Variants in COL14A1 observed in about 807,000 individuals in gnomAD.
The protein encoded by COL14A1 is collagen alpha-1(XIV) chain.
In COL14A1, 136 loss-of-function variants were observed where a neutral mutation model predicts 230.3. The ratio of observed to expected loss-of-function variants is 0.59; its 90% CI spans 0.51 to 0.68. The LOEUF (loss-of-function observed/expected upper bound fraction) is 0.68. Ranked by LOEUF, COL14A1 falls within the 30% of genes least tolerant of loss-of-function variation. COL14A1 has a pLI of 0.00. For missense variants in COL14A1, 1,976 were observed against 2,215.8 expected (o/e 0.89, Z 2.17); for synonymous variants, 792 against 784.1 (o/e 1.01, Z -0.17).
rs1817085659 is a variant in COL14A1, at chr8:120,197,715, A to C, written c.593-96A>C. ...CAGGCCAAAATAAAAAATTTTTGCAAAGATGAGGCCTTTCGTCATTCCAGT... is the reference window on the plus strand; with the variant it reads ...CAGGCCAAAATAAAAAATTTTTGCACAGATGAGGCCTTTCGTCATTCCAGT... On this transcript the variant is annotated intron_variant, in intron 6 of 47. Coordinates refer to ENST00000297848, the MANE Select transcript of COL14A1 (RefSeq NM_021110.4). 4 of 1,378,076 alleles carry C rather than the reference A, an allele frequency of 2.9e-6. No individual in the cohort carries two copies. In the Admixed American group the frequency reaches 9.2e-5, roughly 32 times the overall value. 85.4% of individuals were successfully genotyped at this position (1,378,076 alleles called of 1,614,324 possible).
Position 120,156,567 on chromosome 8 carries a change from C to G in COL14A1, c.89-1563C>G, listed in dbSNP as rs759713526. On this transcript the variant is annotated intron_variant, in intron 2 of 47. Transcript: ENST00000297848. ...ATCAGTATGTGAACTTGGGCAAGTGCTTTAGTTGCACCTTGGTTCCTTTAT... is the reference window on the plus strand; with the variant it reads ...ATCAGTATGTGAACTTGGGCAAGTGGTTTAGTTGCACCTTGGTTCCTTTAT... 7.9e-5 allele frequency among the ~76,000 whole-genome samples: 12 copies of G among 152,268 alleles called. No homozygotes were observed. In the South Asian group the frequency reaches 1.0e-3, roughly 13 times the overall value.
At chr8:120,214,440 G>A (rs1817692685) in intron 13 of COL14A1, among the ~76,000 whole-genome samples, 1 of 152,146 alleles carries the variant, frequency 6.6e-6, no homozygotes, top group African/African-American at 2.4e-5. Flanking sequence ...AGCTCATGAA[G>A]CTGTCAAAAA....
chr8:120,143,519 T>C (rs1483494985), intron 1 of COL14A1, among the ~76,000 whole-genome samples: 4 of 152,064 alleles, frequency 2.6e-5, no homozygotes, highest in Admixed American at 2.0e-4. Flanking sequence ...TAATCCCAGC[T>C]ACTTGGGAGG....
At chr8:120,344,720 C>G (rs1563394) in intron 44 of COL14A1, among the ~76,000 whole-genome samples, 73 of 152,138 alleles carry the variant, frequency 4.8e-4, no homozygotes, top group Non-Finnish European at 3.5e-4. Flanking sequence ...GGGAAAACTC[C>G]TCTCCTAATG....
intron 36 of COL14A1, among the ~76,000 whole-genome samples, chr8:120,307,611 T>C (rs1820893265): frequency 6.6e-6 from 1 of 152,172 alleles, no homozygotes; most frequent in Admixed American, 6.5e-5. Context: ...GAGTAAAGTA[T>C]ATAAATAGAC....
At position 120,250,767 on chromosome 8, in the gene COL14A1, G is replaced by GT. The variant is rs1367824312; in HGVS notation, c.2752+2dup. On this transcript the variant is annotated splice_donor_variant, in intron 22 of 47. Coordinates refer to ENST00000297848, the MANE Select transcript of COL14A1 (RefSeq NM_021110.4). LOFTEE classifies it high-confidence loss of function. Reference sequence around the variant, plus strand: ...GCCCTGACAGGCATGGTGAAAACATGTAAGAGCCATTTCCGATGGCCTCAG... The same window carrying GT: ...GCCCTGACAGGCATGGTGAAAACATGTTAAGAGCCATTTCCGATGGCCTCAG... 1.2e-6 allele frequency: 2 copies of GT among 1,613,858 alleles called. No homozygotes were observed. The highest frequency in any genetic ancestry group is 1.7e-6 in the Non-Finnish European group (2 of 1,179,954).
intron 5 of COL14A1, among the ~76,000 whole-genome samples, chr8:120,195,211 A>G (rs755813728): frequency 3.9e-5 from 6 of 152,224 alleles, no homozygotes; most frequent in Non-Finnish European, 4.4e-5. Flanking sequence ...AGACACGTAT[A>G]TTAAACTGCC....
intron 1 of COL14A1, among the ~76,000 whole-genome samples, chr8:120,137,654 T>C (rs1293537947): frequency 6.6e-6 from 1 of 152,168 alleles, no homozygotes; most frequent in Non-Finnish European, 1.5e-5. Flanking sequence ...TGTACCTTTA[T>C]TTTCATTCCC....
At chr8:120,235,480 T>C (rs1818413104) in intron 19 of COL14A1, among the ~76,000 whole-genome samples, 2 of 152,176 alleles carry the variant, frequency 1.3e-5, no homozygotes, top group South Asian at 4.1e-4. Context: ...TACCATTTTT[T>C]ATTGTGTCTA....
intron 19 of COL14A1, among the ~76,000 whole-genome samples, chr8:120,243,642 C>G (rs1276400609): frequency 1.3e-5 from 2 of 152,030 alleles, no homozygotes; most frequent in African/African-American, 4.8e-5. Flanking sequence ...AAGAATATTC[C>G]TTAGAGCTTA....
chr8:120,370,757 C>A, intron 47 of COL14A1: 2 of 1,380,600 alleles, frequency 1.4e-6, no homozygotes, highest in Non-Finnish European at 1.9e-6. Context: ...CATCTTTCTC[C>A]TTGACCACCC....
intron 18 of COL14A1, among the ~76,000 whole-genome samples, chr8:120,230,008 G>A (rs922108025): frequency 2.0e-5 from 3 of 152,108 alleles, no homozygotes; most frequent in African/African-American, 4.8e-5. Flanking sequence ...AGCCCCCCAC[G>A]TAGCTGGGAC....
chr8:120,248,215 A>AG (rs1301281067), intron 21 of COL14A1, among the ~76,000 whole-genome samples: 11 of 152,112 alleles, frequency 7.2e-5, no homozygotes, highest in Non-Finnish European at 1.6e-4. Context: ...GAAGAAAAAA[A>AG]AAACTCATCA....
intron 25 of COL14A1, among the ~76,000 whole-genome samples, 171 bp from the exon 26 acceptor site, chr8:120,269,864 A>G (rs746965544): frequency 1.2e-4 from 18 of 151,824 alleles, no homozygotes; most frequent in Non-Finnish European, 2.7e-4. Flanking sequence ...GAGTAATTAC[A>G]GCAAAGAAGC....
intron 37 of COL14A1, 122 bp downstream of exon 37, chr8:120,310,184 A>T: frequency 1.0e-6 from 1 of 974,112 alleles, no homozygotes; most frequent in Non-Finnish European, 1.5e-6. Flanking sequence ...TTATAGTTTT[A>T]TGAAAGTTGT....
At chr8:120,233,446 G>T (rs1818342964) in intron 19 of COL14A1, among the ~76,000 whole-genome samples, 1 of 137,678 alleles carries the variant, frequency 7.3e-6, no homozygotes, top group South Asian at 2.4e-4. Context: ...TTTGAAACAT[G>T]CGGTGTTTGG....
chr8:120,226,832 T>C (rs879030057), intron 16 of COL14A1, 66 bp downstream of exon 16: 1 of 1,482,272 alleles, frequency 6.7e-7, no homozygotes, highest in South Asian at 1.2e-5. Flanking sequence ...GCTGCTGGAG[T>C]TGGTCTTCAC....
chr8:120,265,415 A>T (rs1323564619), intron 24 of COL14A1, among the ~76,000 whole-genome samples: 2 of 152,114 alleles, frequency 1.3e-5, no homozygotes, highest in African/African-American at 4.8e-5. Flanking sequence ...TACAAAAAAA[A>T]TTTCTCATTT....
chr8:120,257,625 G>A (rs1408680745), intron 23 of COL14A1, among the ~76,000 whole-genome samples: 2 of 152,150 alleles, frequency 1.3e-5, no homozygotes, highest in Non-Finnish European at 2.9e-5. Context: ...GTGGTAAGAT[G>A]CCCATTCTTC....
Sources: allele counts gnomAD v4.1 joint callset (sites outside exome capture counted in the v4.1 genomes callset), GRCh38; gene constraint gnomAD v4.1.1; transcripts MANE v1.5; gene names NCBI Gene and HGNC (gene_info 2026-07-23, HGNC 2026-07-21).